Variants in CTIF observed in about 807,000 individuals in gnomAD.
The protein encoded by CTIF is cap binding complex dependent translation initiation factor.
CTIF carries 21 observed loss-of-function variants against 66.0 expected under a neutral mutation model. The observed-to-expected ratio is 0.32, with a 90% CI of 0.23 to 0.46. The LOEUF is 0.46. CTIF is among the 20% of genes least tolerant of loss of function. The pLI is 1.00. For missense variants in CTIF, 739 were observed against 812.7 expected (o/e 0.91, Z 1.10); for synonymous variants, 345 against 326.4 (o/e 1.06, Z -0.62).
chr18:48,632,387 G>T (rs1193311069), intron 2 of CTIF, among the ~76,000 whole-genome samples: 1 of 152,140 alleles, frequency 6.6e-6, no homozygotes, highest in Non-Finnish European at 1.5e-5. Flanking sequence ...GCTTTGTTGG[G>T]TCTCTGGAAT....
Position 48,717,613 on chromosome 18 carries a change from A to G in CTIF, c.584+5918A>G, listed in dbSNP as rs112622477. Among the ~76,000 whole-genome samples the G allele has an allele frequency of 3.1e-3, 478 of 152,176 alleles. 2 individuals are homozygous for G. The highest frequency in any genetic ancestry group is 0.011 in the African/African-American group (456 of 41,528). ...TGAATAGACTAAAAAGCACTCAATT[A>G]TATACTTTAAAGGAGTGAATTTTGT... is the stretch of plus-strand genomic sequence containing the variant. On this transcript the variant is annotated intron_variant, in intron 7 of 11. Coordinates refer to ENST00000256413, the MANE Select transcript of CTIF (RefSeq NM_014772.3).
At chr18:48,681,545 C>T (rs1182989322) in intron 6 of CTIF, among the ~76,000 whole-genome samples, 4 of 152,218 alleles carry the variant, frequency 2.6e-5, no homozygotes, top group African/African-American at 9.6e-5. Flanking sequence ...AGGCAAACTT[C>T]TCATTGCCTT....
chr18:48,648,531 G>T (rs1193909188), intron 3 of CTIF, among the ~76,000 whole-genome samples: 1 of 151,174 alleles, frequency 6.6e-6, no homozygotes, highest in Non-Finnish European at 1.5e-5. Flanking sequence ...GCCATGATAG[G>T]CCTGTTTCTC....
At chr18:48,725,688 T>C (rs1420529917) in intron 7 of CTIF, among the ~76,000 whole-genome samples, 2 of 152,138 alleles carry the variant, frequency 1.3e-5, no homozygotes, top group Admixed American at 1.3e-4. Flanking sequence ...TTACTTTGCA[T>C]TTTCACTTGA....
Position 48,573,760 on chromosome 18 carries a change from A to G in CTIF, c.-29+34448A>G, listed in dbSNP as rs529768207. ...TAGGTCAGGTCAGCGGACAAGGGCC[A>G]TATCCAGCCACCCACGCTGGCCATT... On this transcript the variant is annotated intron_variant, in intron 1 of 11. Transcript: ENST00000256413. Among the ~76,000 whole-genome samples the G allele has an allele frequency of 2.6e-5, 4 of 152,336 alleles. No homozygotes were observed. The South Asian group carries it at 8.3e-4, about 32-fold the overall frequency.
chr18:48,807,828 C>A lies in CTIF; in HGVS notation c.1372-9393C>A, dbSNP rs184504227. Reference sequence around the variant, plus strand: ...AGCTCCTGGCCTCAGATGATCTGCCCATCTCAGCCTCCCAAAGTGATGGGA... The same window carrying A: ...AGCTCCTGGCCTCAGATGATCTGCCAATCTCAGCCTCCCAAAGTGATGGGA... On this transcript the variant is annotated intron_variant, in intron 9 of 11. Transcript: ENST00000256413. Among the ~76,000 whole-genome samples, 4 of 152,208 alleles carry A rather than the reference C, an allele frequency of 2.6e-5. No homozygotes were observed. The East Asian group carries it at 7.7e-4, about 29-fold the overall frequency.
In CTIF at chr18:48,817,272, C is replaced by T. The variant is rs1218418572; in HGVS notation, c.1423C>T (p.Leu475=). 1 of 1,614,030 alleles carries T rather than the reference C, an allele frequency of 6.2e-7. No homozygotes were observed. Among genetic ancestry groups the T allele is most frequent in the Admixed American group, 1.7e-5 (1 of 60,030 alleles). ...ELQQQDVERW[L]GFITFLCEVF... ...GCAGCAGCAGGACGTGGAGCGCTGG[C>T]TGGGCTTCATCACCTTCCTGTGCGA... Residue 475 remains leucine, a synonymous_variant, in exon 10 of 12, where the codon CTG becomes TTG. Coordinates refer to ENST00000256413, the MANE Select transcript of CTIF (RefSeq NM_014772.3).
chr18:48,798,163 C>G (rs560056539), intron 9 of CTIF, among the ~76,000 whole-genome samples: 6 of 152,326 alleles, frequency 3.9e-5, no homozygotes, highest in Middle Eastern at 3.4e-3. Flanking sequence ...TCTGGGGACA[C>G]TGGCGTGGGA....
chr18:48,602,862 G>A (rs867763636), intron 1 of CTIF, among the ~76,000 whole-genome samples: 1 of 148,352 alleles, frequency 6.7e-6, no homozygotes, highest in East Asian at 1.9e-4. Context: ...TGGATGGATG[G>A]ATGGATGGAT....
chr18:48,768,527 G>C (rs6507869), intron 9 of CTIF, among the ~76,000 whole-genome samples: 123,467 of 151,812 alleles, frequency 0.81, 50,784 homozygotes, highest in African/African-American at 0.95. Flanking sequence ...CTGCAAGATT[G>C]ACCCAGCATC....
intron 1 of CTIF, among the ~76,000 whole-genome samples, chr18:48,607,380 AG>A (rs1373721834): frequency 1.3e-5 from 2 of 152,210 alleles, no homozygotes; most frequent in Non-Finnish European, 2.9e-5. Flanking sequence ...CTGGCAGAAG[AG>A]GGGCCTGCCC....
At chr18:48,622,129 T>C (rs1221058438) in intron 2 of CTIF, among the ~76,000 whole-genome samples, 1 of 151,992 alleles carries the variant, frequency 6.6e-6, no homozygotes, top group Non-Finnish European at 1.5e-5. Flanking sequence ...ACAGGAGTGA[T>C]GATGGTGAGT....
chr18:48,703,038 T>G (rs2092104072), intron 6 of CTIF, among the ~76,000 whole-genome samples: 1 of 152,202 alleles, frequency 6.6e-6, no homozygotes, highest in Non-Finnish European at 1.5e-5. Context: ...GTGGTTCCTT[T>G]GTATTGTTCA....
At chr18:48,822,654 C>T (rs7230300) in intron 10 of CTIF, among the ~76,000 whole-genome samples, 45,412 of 151,896 alleles carry the variant, frequency 0.3, 7,971 homozygotes, top group African/African-American at 0.49. Context: ...AATCCTGATT[C>T]AAGCTCTTTT....
At chr18:48,822,160 G>A (rs1599110393) in intron 10 of CTIF, among the ~76,000 whole-genome samples, 2 of 152,084 alleles carry the variant, frequency 1.3e-5, no homozygotes, top group Non-Finnish European at 2.9e-5. Flanking sequence ...TTCCTTCTTT[G>A]TAAAGGCTGA....
intron 3 of CTIF, among the ~76,000 whole-genome samples, chr18:48,641,166 C>T (rs2090922599): frequency 6.6e-6 from 1 of 152,186 alleles, no homozygotes; most frequent in South Asian, 2.1e-4. Context: ...ACTGCAGCAG[C>T]AGTACATTCA....
chr18:48,824,790 G>A (rs1403035287), intron 10 of CTIF, among the ~76,000 whole-genome samples: 2 of 152,042 alleles, frequency 1.3e-5, no homozygotes, highest in Admixed American at 1.3e-4. Flanking sequence ...ACAGACGTCC[G>A]CCACCACGCC....
intron 5 of CTIF, among the ~76,000 whole-genome samples, chr18:48,669,434 C>T (rs994125874): frequency 7.9e-5 from 12 of 151,946 alleles, no homozygotes; most frequent in Non-Finnish European, 1.3e-4. Flanking sequence ...ATTTAAAACT[C>T]GCCACCACCC....
chr18:48,607,782 G>T (rs1164206484), intron 1 of CTIF, among the ~76,000 whole-genome samples: 3 of 152,216 alleles, frequency 2.0e-5, no homozygotes, highest in African/African-American at 4.8e-5. Context: ...TCCCTAGGAG[G>T]AGCTTGGGTA....
Sources: gnomAD v4.1 joint callset for allele counts (sites outside exome capture counted in the v4.1 genomes callset) on GRCh38, gnomAD v4.1.1 for gene constraint, MANE v1.5 for transcripts, NCBI Gene and HGNC (gene_info 2026-07-23, HGNC 2026-07-21) for gene names.